ERBB4: variants seen among roughly 807,000 people sequenced by gnomAD.
ERBB4 encodes erb-b2 receptor tyrosine kinase 4, also known as receptor tyrosine-protein kinase erbB-4.
A neutral mutation model predicts 158.0 loss-of-function variants in ERBB4; 42 were observed. That is an observed-to-expected ratio of 0.27 (90% confidence interval 0.21 to 0.34). ERBB4 has a LOEUF of 0.34. Among genes scored for constraint, ERBB4 ranks in the 10% least tolerant of loss-of-function variants. The pLI, the probability that ERBB4 is intolerant of heterozygous loss-of-function variation, is 1.00. For synonymous variants in ERBB4, 583 were observed against 558.7 expected (o/e 1.04, Z -0.61); for missense variants, 1,333 against 1,624.1 (o/e 0.82, Z 3.08).
At position 211,613,180 on chromosome 2, in the gene ERBB4, C is replaced by G. The variant is rs368801574; in HGVS notation, c.2301+5997G>C. Reference sequence around the variant, plus strand: ...AAAAATTTATAGATTGAAAAGAAGTCTAGAACTTTGCATTGAGATATTTCA... The same window carrying G: ...AAAAATTTATAGATTGAAAAGAAGTGTAGAACTTTGCATTGAGATATTTCA... On this transcript the variant is annotated intron_variant, in intron 19 of 27. Coordinates refer to ENST00000342788, the MANE Select transcript of ERBB4 (RefSeq NM_005235.3). 4.1e-4 allele frequency among the ~76,000 whole-genome samples: 63 copies of G among 152,084 alleles called. 1 individual carries two copies. The South Asian group carries it at 0.013, about 32-fold the overall frequency.
rs181893355 is a variant in ERBB4 at position 211,842,560 on chromosome 2, C to T, written c.422-54401G>A. On this transcript the variant is annotated intron_variant, in intron 3 of 27. Transcript: ENST00000342788. Reference sequence around the variant, plus strand: ...GTGTACAACATAGAATATCTCCTATCTTTTTCAGTGCCACATTGTGATATT... The same window carrying T: ...GTGTACAACATAGAATATCTCCTATTTTTTTCAGTGCCACATTGTGATATT... Among the ~76,000 whole-genome samples the T allele has an allele frequency of 2.6e-3, 393 of 151,824 alleles. 1 individual carries two copies. Among genetic ancestry groups the T allele is most frequent in the Non-Finnish European group, 3.5e-3 (240 of 67,830 alleles).
intron 3 of ERBB4, among the ~76,000 whole-genome samples, chr2:211,795,620 C>G (rs913352092): frequency 1.3e-5 from 2 of 151,808 alleles, no homozygotes; most frequent in Non-Finnish European, 2.9e-5. Context: ...TCTTGTTTCT[C>G]TACCATCTTC....
chr2:212,357,396 G>A (rs1023576680), intron 1 of ERBB4, among the ~76,000 whole-genome samples: 3 of 151,650 alleles, frequency 2.0e-5, no homozygotes, highest in Non-Finnish European at 2.9e-5. Context: ...GTGAGAATAC[G>A]ACTTTAAAAA....
At chr2:212,331,094 A>ATATATAT (rs1423122765) in intron 1 of ERBB4, among the ~76,000 whole-genome samples, 1 of 145,514 alleles carries the variant, frequency 6.9e-6, no homozygotes, top group Non-Finnish European at 1.5e-5. Context: ...ATATGCCCAT[A>ATATATAT]ACACTTAATC....
intron 7 of ERBB4, among the ~76,000 whole-genome samples, chr2:211,718,816 C>T (rs1289113552): frequency 6.6e-6 from 1 of 152,026 alleles, no homozygotes; most frequent in East Asian, 1.9e-4. Flanking sequence ...ACCAGAATAC[C>T]TCCATCAGCT....
At chr2:211,690,939 G>T (rs938031552) in intron 12 of ERBB4, among the ~76,000 whole-genome samples, 1 of 152,124 alleles carries the variant, frequency 6.6e-6, no homozygotes, top group Admixed American at 6.5e-5. Flanking sequence ...AATTCCAGCT[G>T]TCTGTTAAAA....
chr2:211,827,191 A>G (rs1458130679), intron 3 of ERBB4, among the ~76,000 whole-genome samples: 2 of 151,952 alleles, frequency 1.3e-5, no homozygotes, highest in Non-Finnish European at 2.9e-5. Context: ...CTTTCTACCC[A>G]TGTTGAGTGT....
At chr2:211,452,916 A>C (rs907379281) in intron 20 of ERBB4, among the ~76,000 whole-genome samples, 2 of 152,222 alleles carry the variant, frequency 1.3e-5, no homozygotes, top group African/African-American at 2.4e-5. Context: ...CCATCTCAAC[A>C]AAACGATAAA....
At chr2:212,332,168 G>A (rs116025331) in intron 1 of ERBB4, among the ~76,000 whole-genome samples, 1 of 151,926 alleles carries the variant, frequency 6.6e-6, no homozygotes, top group Admixed American at 6.6e-5. Flanking sequence ...TGAAATATGG[G>A]GGCAAGTCTT....
chr2:212,261,642 T>C (rs1038520337), intron 1 of ERBB4, among the ~76,000 whole-genome samples: 1 of 152,126 alleles, frequency 6.6e-6, no homozygotes, highest in East Asian at 1.9e-4. Context: ...TGATAATTCA[T>C]GAGGGATAAA....
At position 212,435,092 on chromosome 2, in the gene ERBB4, T is replaced by C. The variant is rs908560758; in HGVS notation, c.82+103357A>G. ...GAAACAATTTCATTTCTAAGTCTCA[T>C]AGGAAATTGTTTTTAAAGCTATGAG... On this transcript the variant is annotated intron_variant, in intron 1 of 27. Transcript: ENST00000342788. Among the ~76,000 whole-genome samples, 4 of 151,976 alleles carry C rather than the reference T, an allele frequency of 2.6e-5. No homozygotes were observed. The South Asian group carries it at 6.2e-4, about 24-fold the overall frequency.
intron 1 of ERBB4, among the ~76,000 whole-genome samples, chr2:212,221,859 C>CTATATTTA (rs2083300407): frequency 6.6e-6 from 1 of 151,384 alleles, no homozygotes; most frequent in Non-Finnish European, 1.5e-5. Context: ...TGATTTATTA[C>CTATATTTA]TTCTATATCC....
chr2:211,638,883 T>C (rs2070461010), intron 16 of ERBB4, among the ~76,000 whole-genome samples: 2 of 152,092 alleles, frequency 1.3e-5, no homozygotes, highest in Admixed American at 1.3e-4. Context: ...TGGGCTTTTG[T>C]TTGTTTTATC....
intron 1 of ERBB4, among the ~76,000 whole-genome samples, chr2:212,286,767 A>ATTTTTTTTTTTTTTTGTTTTTTT (rs2085996311): frequency 2.5e-5 from 1 of 39,562 alleles, no homozygotes; most frequent in Non-Finnish European, 4.2e-5. Context: ...ATGAGGGTTA[A>ATTTTTTTTTTTTTTTGTTTTTTT]TTTTTTTTTT....
chr2:212,078,838 C>G (rs1242260845), intron 2 of ERBB4, among the ~76,000 whole-genome samples: 2 of 150,960 alleles, frequency 1.3e-5, no homozygotes, highest in Non-Finnish European at 3.0e-5. Context: ...GTTTATAACA[C>G]TAATTATTAC....
chr2:212,459,093 CA>C (rs1249097855), intron 1 of ERBB4, among the ~76,000 whole-genome samples: 2 of 152,044 alleles, frequency 1.3e-5, no homozygotes, highest in African/African-American at 4.8e-5. Context: ...TAAATTTGTA[CA>C]GGGTGATTTC....
intron 19 of ERBB4, among the ~76,000 whole-genome samples, chr2:211,613,315 G>C (rs1049088412): frequency 2.6e-5 from 4 of 152,016 alleles, no homozygotes; most frequent in African/African-American, 9.7e-5. Context: ...GCGGGCTGCA[G>C]AGAGATGTGA....
At chr2:211,828,905 C>G (rs1459554233) in intron 3 of ERBB4, among the ~76,000 whole-genome samples, 1 of 152,116 alleles carries the variant, frequency 6.6e-6, no homozygotes. Flanking sequence ...CTTGATACAG[C>G]TCCTTCGTGT....
intron 1 of ERBB4, among the ~76,000 whole-genome samples, chr2:212,536,617 T>A (rs893301510): frequency 6.6e-6 from 1 of 152,190 alleles, no homozygotes; most frequent in African/African-American, 2.4e-5. Flanking sequence ...CGCGAGCTAG[T>A]GTCGCCTGAG....
Sources: gnomAD v4.1 joint callset for allele counts (sites outside exome capture counted in the v4.1 genomes callset) on GRCh38, gnomAD v4.1.1 for gene constraint, MANE v1.5 for transcripts, NCBI Gene and HGNC (gene_info 2026-07-23, HGNC 2026-07-21) for gene names.